Variants in CUBN observed in about 807,000 individuals in gnomAD.
The protein encoded by CUBN is cubilin, also known as 460 kDa receptor.
Under a neutral mutation model 405.3 loss-of-function variants are expected in CUBN, and 282 were observed. The observed-to-expected ratio is 0.70, with a 90% confidence interval of 0.63 to 0.77. The LOEUF (loss-of-function observed/expected upper bound fraction) is 0.77. Among genes scored for constraint, CUBN ranks in the 30% least tolerant of loss-of-function variants. CUBN has a pLI of 0.00. For synonymous variants in CUBN, 1,684 were observed against 1,617.0 expected (o/e 1.04, Z -0.99); for missense variants, 4,514 against 4,475.2 (o/e 1.01, Z -0.25).
intron 31 of CUBN, among the ~76,000 whole-genome samples, chr10:16,978,424 G>C (rs1342155699): frequency 1.3e-5 from 2 of 152,196 alleles, no homozygotes; most frequent in African/African-American, 4.8e-5. Flanking sequence ...AGAGTAGCTG[G>C]ATGTTCTACG....
chr10:16,906,857 T>C (rs7074108), intron 49 of CUBN, among the ~76,000 whole-genome samples: 1,620 of 152,350 alleles, frequency 0.011, 30 homozygotes, highest in African/African-American at 0.038. Context: ...AAGGAACAGA[T>C]GCTTCTTGTA....
At chr10:16,880,049 AT>A (rs1298171356) in intron 56 of CUBN, among the ~76,000 whole-genome samples, 3 of 152,204 alleles carry the variant, frequency 2.0e-5, no homozygotes, top group African/African-American at 4.8e-5. Context: ...ACAGTTGAAT[AT>A]TTGATGACAT....
intron 37 of CUBN, among the ~76,000 whole-genome samples, chr10:16,939,664 C>T (rs1842603017): frequency 6.6e-6 from 1 of 152,076 alleles, no homozygotes; most frequent in Non-Finnish European, 1.5e-5. Flanking sequence ...TACTAAATGT[C>T]TTAAATGTGA....
intron 27 of CUBN, among the ~76,000 whole-genome samples, chr10:17,035,795 T>C (rs1176036348): frequency 6.6e-6 from 1 of 151,448 alleles, no homozygotes; most frequent in Non-Finnish European, 1.5e-5. Flanking sequence ...TGAGAACACA[T>C]GGACACAGGA....
intron 31 of CUBN, among the ~76,000 whole-genome samples, chr10:16,966,848 A>T (rs1843405788): frequency 6.6e-6 from 1 of 152,194 alleles, no homozygotes; most frequent in South Asian, 2.1e-4. Context: ...AGAATAAGAC[A>T]TTTAGGGCAC....
At chr10:16,990,254 G>T in intron 29 of CUBN, 80 bp downstream of exon 29, 4 of 1,340,112 alleles carry the variant, frequency 3.0e-6, no homozygotes, top group Non-Finnish European at 3.2e-6. Flanking sequence ...CTACTGGAAA[G>T]AATTCGGAAT....
intron 31 of CUBN, among the ~76,000 whole-genome samples, chr10:16,959,623 C>T (rs1462237589): frequency 6.7e-6 from 1 of 149,818 alleles, no homozygotes; most frequent in Non-Finnish European, 1.5e-5. Context: ...AGCAAAACTC[C>T]GTCTCAAAAA....
At position 16,887,619 on chromosome 10, in the gene CUBN, T is replaced by C. The variant is rs1018462319; in HGVS notation, c.8905+798A>G. ...AAAGGGAACTCTTCCTCGTACACTT[T>C]TGATGGGAATGTAAATTAGTGCAGC... On this transcript the variant is annotated intron_variant, in intron 56 of 66. Coordinates refer to ENST00000377833, the MANE Select transcript of CUBN (RefSeq NM_001081.4). 1.3e-5 allele frequency among the ~76,000 whole-genome samples: 2 copies of C among 152,212 alleles called. 1 individual carries two copies. Among genetic ancestry groups the C allele is most frequent in the Admixed American group, 1.3e-4 (2 of 15,276 alleles).
At chr10:16,930,985 G>A (rs981780619) in intron 40 of CUBN, among the ~76,000 whole-genome samples, 15 of 152,010 alleles carry the variant, frequency 9.9e-5, no homozygotes, top group Admixed American at 2.6e-4. Context: ...GGCCAGGTGT[G>A]GTGGCTCACA....
chr10:16,941,295 T>C (rs528276861), intron 36 of CUBN, among the ~76,000 whole-genome samples: 1 of 152,104 alleles, frequency 6.6e-6, no homozygotes, highest in African/African-American at 2.4e-5. Context: ...ATAACGGATA[T>C]CCTTATGGAG....
chr10:16,906,750 T>A (rs1262772039), intron 49 of CUBN, among the ~76,000 whole-genome samples: 1 of 152,210 alleles, frequency 6.6e-6, no homozygotes, highest in Admixed American at 6.5e-5. Flanking sequence ...CAGGTCCTAA[T>A]GGCTTGATTA....
intron 14 of CUBN, among the ~76,000 whole-genome samples, chr10:17,092,678 T>C (rs1459034419): frequency 6.6e-6 from 1 of 152,170 alleles, no homozygotes; most frequent in Non-Finnish European, 1.5e-5. Context: ...ACAAATGCCA[T>C]GGTAACATCA....
intron 22 of CUBN, among the ~76,000 whole-genome samples, chr10:17,064,960 CA>C (rs1835580059): frequency 6.6e-6 from 1 of 152,124 alleles, no homozygotes; most frequent in African/African-American, 2.4e-5. Flanking sequence ...AATTTTTATA[CA>C]TTGTTATTCT....
intron 54 of CUBN, among the ~76,000 whole-genome samples, chr10:16,894,948 C>G (rs2131408976): frequency 6.6e-6 from 1 of 152,260 alleles, no homozygotes; most frequent in Middle Eastern, 3.4e-3. Context: ...CTACACTGAT[C>G]CATCTGATCC....
chr10:16,849,484 C>T (rs1227120646), intron 60 of CUBN, among the ~76,000 whole-genome samples: 1 of 152,134 alleles, frequency 6.6e-6, no homozygotes, highest in East Asian at 1.9e-4. Flanking sequence ...CATTCTCTGC[C>T]CACTGCAGTC....
intron 31 of CUBN, among the ~76,000 whole-genome samples, chr10:16,961,911 A>G (rs937868621): frequency 6.6e-6 from 1 of 151,966 alleles, no homozygotes; most frequent in Admixed American, 6.6e-5. Flanking sequence ...ACAAGGTTTC[A>G]CCGTGTTAGC....
At position 17,028,228 on chromosome 10, in the gene CUBN, TA is replaced by T. The variant is rs1403726905; in HGVS notation, c.4018-8246del. On this transcript the variant is annotated intron_variant, in intron 27 of 66. Transcript: ENST00000377833. The stretch of plus-strand genomic sequence containing the variant: ...CTGCTACAGTAAAACACTAAACATT[TA>T]TTATTATTATTATTATTATTATTAT... 6.8e-4 allele frequency among the ~76,000 whole-genome samples: 4 copies of T among 5,894 alleles called. No homozygotes were observed. In the Admixed American group the frequency reaches 8.4e-3, roughly 12 times the overall value. 3.9% of individuals were successfully genotyped at this position (5,894 alleles called of 152,430 possible). A position where few individuals can be genotyped will look rare whatever the true frequency, so the allele number is the denominator to read the frequency against.
chr10:17,080,365 T>C (rs1343634438), intron 17 of CUBN, among the ~76,000 whole-genome samples: 1 of 152,222 alleles, frequency 6.6e-6, no homozygotes, highest in Admixed American at 6.5e-5. Context: ...ACGCCACTTG[T>C]AGAACAGGTA....
intron 8 of CUBN, 35 bp downstream of exon 8, chr10:17,113,992 C>A (rs1300330822): frequency 1.2e-6 from 2 of 1,605,790 alleles, no homozygotes. Flanking sequence ...GCCAACCTGG[C>A]ATGCAGAGCC....
Sources: gnomAD v4.1 joint callset for allele counts (sites outside exome capture counted in the v4.1 genomes callset) on GRCh38, gnomAD v4.1.1 for gene constraint, MANE v1.5 for transcripts, NCBI Gene and HGNC (gene_info 2026-07-23, HGNC 2026-07-21) for gene names.